PTPRZ1: variants seen among roughly 807,000 people sequenced by gnomAD.
PTPRZ1 encodes the protein protein tyrosine phosphatase receptor type Z1.
PTPRZ1 carries 82 observed loss-of-function variants against 214.1 expected under a neutral mutation model. That is an observed-to-expected ratio of 0.38 (90% CI 0.32 to 0.46). The LOEUF is 0.46. PTPRZ1 is among the 20% of genes least tolerant of loss of function. PTPRZ1 has a pLI of 1.00. For synonymous variants in PTPRZ1, 945 were observed against 987.9 expected (o/e 0.96, Z 0.81); for missense variants, 2,603 against 2,748.7 (o/e 0.95, Z 1.19).
rs1246321727 is a variant in PTPRZ1, at chr7:121,996,446, A to G, written c.993A>G (p.Thr331=). Residue 331 remains threonine (T), a synonymous_variant, in exon 9 of 30, where the codon ACA becomes ACG. Transcript: ENST00000393386. ...AGAATTATACCAGCCTTCTTGTTAC[A>G]TGGGAAAGACCTCGAGTCGTTTATG... is the stretch of plus-strand genomic sequence containing the variant. ...DPENYTSLLV[T]WERPRVVYDT... 1.9e-6 allele frequency: 3 copies of G among 1,613,564 alleles called. No individual in the cohort carries two copies. Among genetic ancestry groups the G allele is most frequent in the Non-Finnish European group, 2.5e-6 (3 of 1,179,640 alleles).
At chr7:121,948,422 C>T (rs1584671210) in intron 2 of PTPRZ1, among the ~76,000 whole-genome samples, 1 of 152,174 alleles carries the variant, frequency 6.6e-6, no homozygotes, top group East Asian at 1.9e-4. Context: ...TCAAGACTAG[C>T]CTGGGCAATG....
intron 2 of PTPRZ1, among the ~76,000 whole-genome samples, chr7:121,938,449 A>G (rs1309900492): frequency 5.9e-5 from 9 of 152,232 alleles, no homozygotes; most frequent in Non-Finnish European, 1.2e-4. Flanking sequence ...GGCTTCATCC[A>G]GAGGGAAAAT....
intron 13 of PTPRZ1, among the ~76,000 whole-genome samples, chr7:122,019,752 A>G (rs1194002433): frequency 6.6e-6 from 1 of 152,210 alleles, no homozygotes; most frequent in Non-Finnish European, 1.5e-5. Flanking sequence ...ATAATTAGAG[A>G]CTACAGCTAA....
intron 27 of PTPRZ1, among the ~76,000 whole-genome samples, chr7:122,056,841 G>T (rs576849782): frequency 4.0e-5 from 6 of 151,696 alleles, no homozygotes; most frequent in South Asian, 2.1e-4. Flanking sequence ...TATTTTATCA[G>T]TTAACCCTTG....
At position 121,968,999 on chromosome 7, in the gene PTPRZ1, A is replaced by G. The variant is rs117877456; in HGVS notation, c.304+869A>G. On this transcript the variant is annotated intron_variant, in intron 3 of 29. Coordinates refer to ENST00000393386, the MANE Select transcript of PTPRZ1 (RefSeq NM_002851.3). ...ACGCCTGTGATCCCAGCACTTCGGG[A>G]GGCCGAAGTGGCTGGATCACTTGAG... Among the ~76,000 whole-genome samples the G allele has an allele frequency of 3.1e-3, 469 of 152,298 alleles. 16 individuals carry two copies. The East Asian group carries it at 0.085, about 28-fold the overall frequency.
chr7:122,012,625 C>G lies in PTPRZ1; in HGVS notation c.3579C>G (p.Thr1193=), dbSNP rs1302800046. 6 of 1,613,698 alleles carry G rather than the reference C, an allele frequency of 3.7e-6. No homozygotes were observed. The highest frequency in any genetic ancestry group is 3.4e-6 in the Non-Finnish European group (4 of 1,179,800). Reference sequence around the variant, plus strand: ...CCTTTCAGGCTTCTGATGTTGACACCTTGCTTAAAACTGTTCTTCCAGCTG... The same window carrying G: ...CCTTTCAGGCTTCTGATGTTGACACGTTGCTTAAAACTGTTCTTCCAGCTG... ...QPSFQASDVD[T]LLKTVLPAVP... Residue 1193 remains threonine (T), a synonymous_variant, in exon 12 of 30, where the codon ACC becomes ACG. Transcript: ENST00000393386.
Position 121,996,544 on chromosome 7 carries a change from T to C in PTPRZ1, c.1091T>C (p.Leu364Ser), listed in dbSNP as rs1295033883. 16 of 1,611,826 alleles carry C rather than the reference T, an allele frequency of 9.9e-6. No homozygotes were observed. Among genetic ancestry groups the C allele is most frequent in the Non-Finnish European group, 1.3e-5 (15 of 1,178,856 alleles). Reference protein sequence around the residue: ...DGEDQTKHEFLTDGYQDLGAI... With the variant: ...DGEDQTKHEFSTDGYQDLGAI... ...GAGGACCAAACCAAGCATGAATTTT[T>C]GACAGATGGCTATCAAGACTTGGTA... The change falls in exon 9 of 30, where the codon TTG (leucine) becomes TCG (serine). Residue 364 changes from leucine (L) to serine (S), a missense_variant. Physicochemically the swap from Leu to Ser is moderately radical, Grantham distance 145. Transcript: ENST00000393386.
At chr7:122,010,312 A>C in intron 11 of PTPRZ1, 22 bp from the exon 12 acceptor site, 1 of 1,576,398 alleles carries the variant, frequency 6.3e-7, no homozygotes, top group Non-Finnish European at 8.6e-7. Context: ...ATGACTCATT[A>C]AATCTTGTTT....
chr7:122,037,339 C>G (rs969383498), intron 18 of PTPRZ1, among the ~76,000 whole-genome samples: 2 of 151,948 alleles, frequency 1.3e-5, no homozygotes, highest in Non-Finnish European at 2.9e-5. Context: ...GCTCCTGGCA[C>G]AAGGATGTGC....
intron 28 of PTPRZ1, 48 bp downstream of exon 28, chr7:122,058,990 A>G: frequency 6.7e-7 from 1 of 1,494,564 alleles, no homozygotes. Flanking sequence ...TTTTCTGGGC[A>G]TATGTATATT....
intron 26 of PTPRZ1, 118 bp downstream of exon 26, chr7:122,054,156 G>A (rs1157727003): frequency 4.1e-5 from 45 of 1,097,614 alleles, no homozygotes; most frequent in East Asian, 9.7e-5. Flanking sequence ...ATAAACTAAT[G>A]TCATTGAAGG....
At chr7:121,943,892 G>A (rs1796302294) in intron 2 of PTPRZ1, among the ~76,000 whole-genome samples, 1 of 152,176 alleles carries the variant, frequency 6.6e-6, no homozygotes, top group Admixed American at 6.5e-5. Context: ...GGGAATGAAT[G>A]AATGATGGAG....
At chr7:121,979,877 G>A (rs942591825) in intron 6 of PTPRZ1, among the ~76,000 whole-genome samples, 1 of 152,096 alleles carries the variant, frequency 6.6e-6, no homozygotes, top group Non-Finnish European at 1.5e-5. Flanking sequence ...GTGAAATTTT[G>A]TTAGAAGAAA....
chr7:121,937,868 C>A (rs1001561034), intron 2 of PTPRZ1, among the ~76,000 whole-genome samples: 2 of 152,108 alleles, frequency 1.3e-5, no homozygotes, highest in Non-Finnish European at 2.9e-5. Flanking sequence ...ATGCCGAGAT[C>A]CTTAAAGTGT....
intron 1 of PTPRZ1, among the ~76,000 whole-genome samples, chr7:121,915,606 T>G (rs1371619912): frequency 1.3e-5 from 2 of 152,202 alleles, no homozygotes; most frequent in African/African-American, 4.8e-5. Context: ...ATACTCTGGT[T>G]TGTGATCCGC....
intron 1 of PTPRZ1, among the ~76,000 whole-genome samples, chr7:121,874,090 C>T (rs961391415): frequency 6.6e-6 from 1 of 150,606 alleles, no homozygotes; most frequent in Admixed American, 6.6e-5. Context: ...CAGGCACAAG[C>T]ACCAACCTGA....
intron 1 of PTPRZ1, among the ~76,000 whole-genome samples, chr7:121,877,514 T>C (rs1329480675): frequency 2.0e-5 from 3 of 152,224 alleles, no homozygotes; most frequent in African/African-American, 7.2e-5. Context: ...CACCGATGCA[T>C]ATGGTCATGT....
intron 1 of PTPRZ1, among the ~76,000 whole-genome samples, chr7:121,915,413 T>C (rs1236190712): frequency 6.6e-6 from 1 of 152,162 alleles, no homozygotes; most frequent in Non-Finnish European, 1.5e-5. Context: ...AAATAGTATG[T>C]GAAGCAAGAC....
intron 1 of PTPRZ1, among the ~76,000 whole-genome samples, chr7:121,914,864 G>A (rs1337151808): frequency 6.6e-6 from 1 of 152,034 alleles, no homozygotes; most frequent in East Asian, 1.9e-4. Flanking sequence ...ATTCACTCAT[G>A]TGCCAGGCAC....
Sources: allele counts gnomAD v4.1 joint callset (sites outside exome capture counted in the v4.1 genomes callset), GRCh38; gene constraint gnomAD v4.1.1; transcripts MANE v1.5; gene names NCBI Gene and HGNC (gene_info 2026-07-23, HGNC 2026-07-21).